CPNE4: variants seen among roughly 807,000 people sequenced by gnomAD.
The protein encoded by CPNE4 is copine-4.
A neutral mutation model predicts 67.9 loss-of-function variants in CPNE4; 25 were observed. The ratio of observed to expected loss-of-function variants is 0.37; its 90% CI spans 0.27 to 0.51. The LOEUF (loss-of-function observed/expected upper bound fraction) is 0.51, where lower values mean the gene tolerates loss of function less well. Ranked by LOEUF, CPNE4 falls within the 20% of genes least tolerant of loss-of-function variation. CPNE4 has a pLI of 0.93. For synonymous variants in CPNE4, 242 were observed against 244.9 expected, an observed-to-expected ratio of 0.99 and a Z score of 0.11; for missense variants, 464 against 690.8, an observed-to-expected ratio of 0.67 and a Z score of 3.68.
intron 1 of CPNE4, among the ~76,000 whole-genome samples, chr3:131,953,217 GA>G (rs905147988): frequency 2.7e-4 from 25 of 92,780 alleles, no homozygotes; most frequent in Non-Finnish European, 4.6e-4. Context: ...CCCTCTGTGA[GA>G]AACACCCAAG....
intron 1 of CPNE4, among the ~76,000 whole-genome samples, chr3:131,917,008 A>G (rs1241033316): frequency 6.6e-6 from 1 of 152,286 alleles, no homozygotes; most frequent in East Asian, 1.9e-4. Flanking sequence ...TAGGCTTTTC[A>G]TCATCTGCCA....
chr3:131,890,620 G>T (rs1024686869), intron 2 of CPNE4, among the ~76,000 whole-genome samples: 1 of 151,906 alleles, frequency 6.6e-6, no homozygotes, highest in Admixed American at 6.6e-5. Flanking sequence ...ACTGAAATCA[G>T]GCTCTTGAAG....
intron 2 of CPNE4, among the ~76,000 whole-genome samples, chr3:131,785,663 T>TTC (rs1275804498): frequency 2.0e-4 from 19 of 96,554 alleles, no homozygotes; most frequent in Admixed American, 3.1e-4. Flanking sequence ...CTCTCTCTCT[T>TTC]TCTCTCTTTC....
intron 1 of CPNE4, among the ~76,000 whole-genome samples, chr3:131,942,306 G>T (rs1292915500): frequency 6.6e-6 from 1 of 151,910 alleles, no homozygotes; most frequent in African/African-American, 2.4e-5. Flanking sequence ...AGAGCACAAA[G>T]TGACCATTGT....
chr3:131,910,731 G>A (rs532337956), intron 1 of CPNE4, among the ~76,000 whole-genome samples: 3 of 152,294 alleles, frequency 2.0e-5, no homozygotes, highest in South Asian at 2.1e-4. Flanking sequence ...GCCATTATCA[G>A]TCAACACTTG....
intron 7 of CPNE4, among the ~76,000 whole-genome samples, chr3:131,628,847 C>A (rs997036323): frequency 3.2e-5 from 4 of 123,758 alleles, no homozygotes; most frequent in African/African-American, 6.1e-5. Flanking sequence ...TCAAAAAAAA[C>A]CAGCTCCTGG....
intron 2 of CPNE4, among the ~76,000 whole-genome samples, chr3:131,894,748 T>G (rs750784731): frequency 3.9e-5 from 6 of 152,012 alleles, no homozygotes; most frequent in African/African-American, 1.4e-4. Flanking sequence ...AGGCAGCACT[T>G]ACACGCTATT....
chr3:131,777,769 G>A (rs1425173439), intron 2 of CPNE4, among the ~76,000 whole-genome samples: 1 of 152,110 alleles, frequency 6.6e-6, no homozygotes, highest in African/African-American at 2.4e-5. Context: ...CCTTATGAAT[G>A]TAGGAGTGGT....
intron 2 of CPNE4, among the ~76,000 whole-genome samples, chr3:131,787,723 C>G (rs1162070811): frequency 1.3e-5 from 2 of 152,132 alleles, no homozygotes; most frequent in African/African-American, 4.8e-5. Context: ...TCTGCCTTCT[C>G]TCTTACTTCC....
intron 2 of CPNE4, among the ~76,000 whole-genome samples, chr3:131,792,673 A>ACGTGTG (rs2083781584): frequency 3.2e-5 from 2 of 63,184 alleles, no homozygotes; most frequent in African/African-American, 1.5e-4. Flanking sequence ...GTATATATAC[A>ACGTGTG]TATATACACA....
rs141692591 is a variant in CPNE4, at chr3:131,947,358, G to A, written c.-1-41914C>T. The stretch of plus-strand genomic sequence containing the variant: ...AGGTTTTAAACCCCACATGTATTAC[G>A]TATTTGTCCTAATGCTCTTTCTCCC... On this transcript the variant is annotated intron_variant, in intron 1 of 15. Coordinates refer to ENST00000429747, the MANE Select transcript of CPNE4 (RefSeq NM_130808.3). 1.5e-3 allele frequency among the ~76,000 whole-genome samples: 228 copies of A among 152,146 alleles called. 1 individual carries two copies. In the East Asian group the frequency reaches 0.027, roughly 18 times the overall value.
intron 2 of CPNE4, among the ~76,000 whole-genome samples, chr3:131,725,127 G>A (rs1169474628): frequency 1.3e-5 from 2 of 152,150 alleles, no homozygotes; most frequent in Non-Finnish European, 2.9e-5. Context: ...TTTCATATGA[G>A]TAAAGGAAAA....
chr3:131,789,753 T>G (rs1367405835), intron 2 of CPNE4, among the ~76,000 whole-genome samples: 1 of 152,122 alleles, frequency 6.6e-6, no homozygotes, highest in Non-Finnish European at 1.5e-5. Flanking sequence ...TGTTAGAATA[T>G]ATAACCTCTG....
Position 131,916,369 on chromosome 3 carries a change from G to C in CPNE4, c.-1-10925C>G, listed in dbSNP as rs201382813. Among the ~76,000 whole-genome samples, 10 of 145,026 alleles carry C rather than the reference G, an allele frequency of 6.9e-5. No individual in the cohort carries two copies. The South Asian group carries it at 1.9e-3, about 28-fold the overall frequency. On this transcript the variant is annotated intron_variant, in intron 1 of 15. Transcript: ENST00000429747. Reference sequence around the variant, plus strand: ...TTAGAAAAAAAAAAAAAAAAAAACAGAGCAGGATTATTCTTATGTTCAAAG... The same window carrying C: ...TTAGAAAAAAAAAAAAAAAAAAACACAGCAGGATTATTCTTATGTTCAAAG...
intron 3 of CPNE4, among the ~76,000 whole-genome samples, chr3:131,702,022 T>C (rs939682525): frequency 6.6e-6 from 1 of 152,062 alleles, no homozygotes; most frequent in Non-Finnish European, 1.5e-5. Context: ...TTTTTGTCTG[T>C]GTTACAGCAA....
intron 1 of CPNE4, among the ~76,000 whole-genome samples, chr3:131,911,497 A>C (rs145203735): frequency 2.4e-4 from 37 of 152,058 alleles, no homozygotes; most frequent in African/African-American, 8.7e-4. Flanking sequence ...TTATCTAGCA[A>C]CCAATAATTA....
At chr3:131,998,467 ATT>A (rs2073350367) in intron 1 of CPNE4, among the ~76,000 whole-genome samples, 1 of 152,114 alleles carries the variant, frequency 6.6e-6, no homozygotes, top group African/African-American at 2.4e-5. Flanking sequence ...GCCTCTAGCA[ATT>A]TCTCTCTGAA....
At chr3:131,965,111 A>G (rs889346538) in intron 1 of CPNE4, among the ~76,000 whole-genome samples, 4 of 152,238 alleles carry the variant, frequency 2.6e-5, no homozygotes, top group African/African-American at 9.6e-5. Flanking sequence ...AGAATTTCAT[A>G]TCTAGCCAAA....
intron 12 of CPNE4, among the ~76,000 whole-genome samples, chr3:131,553,934 A>C (rs1936322542): frequency 6.6e-6 from 1 of 152,116 alleles, no homozygotes; most frequent in Middle Eastern, 3.2e-3. Context: ...AAGAATAACC[A>C]GGGGATTTTG....
Sources: allele counts gnomAD v4.1 joint callset (sites outside exome capture counted in the v4.1 genomes callset), GRCh38; gene constraint gnomAD v4.1.1; transcripts MANE v1.5; gene names NCBI Gene and HGNC (gene_info 2026-07-23, HGNC 2026-07-21).